The following HIPK2 variants were observed in gnomAD, a reference collection of about 807,000 sequenced individuals.
The protein encoded by HIPK2 is homeodomain-interacting protein kinase 2.
HIPK2 carries 27 observed loss-of-function variants against 113.7 expected under a neutral mutation model. The observed-to-expected ratio is 0.24, with a 90% CI of 0.17 to 0.33. The LOEUF (loss-of-function observed/expected upper bound fraction) is 0.33, where lower values mean the gene tolerates loss of function less well. Among genes scored for constraint, HIPK2 ranks in the 10% least tolerant of loss-of-function variants. The pLI is 1.00. For synonymous variants in HIPK2, 631 were observed against 642.2 expected (o/e 0.98, Z 0.26); for missense variants, 1,257 against 1,588.0 (o/e 0.79, Z 3.54).
intron 1 of HIPK2, among the ~76,000 whole-genome samples, chr7:139,766,527 G>A (rs1796555732): frequency 1.3e-5 from 2 of 152,068 alleles, no homozygotes; most frequent in South Asian, 2.1e-4. Context: ...TAGCACCTTC[G>A]GTCTCCAGCT....
chr7:139,651,623 G>A (rs912502538), intron 2 of HIPK2, among the ~76,000 whole-genome samples: 5 of 152,162 alleles, frequency 3.3e-5, no homozygotes, highest in Non-Finnish European at 5.9e-5. Context: ...CGAGCTGGAG[G>A]GGGACAAATG....
chr7:139,663,416 G>GAAAAAA (rs113806576), intron 2 of HIPK2, among the ~76,000 whole-genome samples: 13,858 of 152,216 alleles, frequency 0.091, 762 homozygotes, highest in African/African-American at 0.15. Context: ...CTCTGCCACT[G>GAAAAAA]ATGAGCTGGA....
chr7:139,735,606 G>A (rs1795913674), intron 1 of HIPK2, among the ~76,000 whole-genome samples: 1 of 152,236 alleles, frequency 6.6e-6, no homozygotes, highest in East Asian at 1.9e-4. Flanking sequence ...AGGTCAACAG[G>A]ACGAGATGGG....
chr7:139,563,298 G>C lies in HIPK2; in HGVS notation c.*9629C>G, dbSNP rs1301373349. On this transcript the variant is annotated 3_prime_UTR_variant, in exon 15 of 15. Transcript: ENST00000406875. ...CAGCCCAGCAGGCGACTCTGACAGG[G>C]AGGTGTGACCACCAGTCTCAAGGCT... 1.3e-5 allele frequency: 2 copies of C among 152,830 alleles called. No homozygotes were observed. The highest frequency in any genetic ancestry group is 4.8e-5 in the African/African-American group (2 of 41,436). The allele number at this position is 152,830 out of a possible 1,614,324, so 9.5% of individuals were successfully genotyped here.
chr7:139,678,295 A>T (rs113066704), intron 2 of HIPK2, among the ~76,000 whole-genome samples: 1 of 152,194 alleles, frequency 6.6e-6, no homozygotes, highest in African/African-American at 2.4e-5. Flanking sequence ...AGTCTTTGCC[A>T]TGCCTATGTC....
chr7:139,743,829 A>G (rs977421818), intron 1 of HIPK2, among the ~76,000 whole-genome samples: 2 of 152,228 alleles, frequency 1.3e-5, no homozygotes, highest in African/African-American at 4.8e-5. Context: ...AAAAGACTAC[A>G]GGGTTCTGCG....
intron 13 of HIPK2, 58 bp downstream of exon 13, chr7:139,583,759 A>C: frequency 6.4e-7 from 1 of 1,572,288 alleles, no homozygotes; most frequent in African/African-American, 1.4e-5. Flanking sequence ...TAGCAGCAGA[A>C]AAGCAGGAAA....
At chr7:139,700,920 G>A (rs1218509940) in intron 2 of HIPK2, among the ~76,000 whole-genome samples, 1 of 152,234 alleles carries the variant, frequency 6.6e-6, no homozygotes, top group Non-Finnish European at 1.5e-5. Context: ...CAAGCACTGA[G>A]AAGAAAGAAA....
At chr7:139,626,423 T>C (rs1800432376) in intron 6 of HIPK2, among the ~76,000 whole-genome samples, 178 bp downstream of exon 6, 1 of 152,156 alleles carries the variant, frequency 6.6e-6, no homozygotes, top group Non-Finnish European at 1.5e-5. Flanking sequence ...TCATAAATGT[T>C]TCATTAGAAT....
chr7:139,679,097 T>C (rs1487371038), intron 2 of HIPK2, among the ~76,000 whole-genome samples: 1 of 152,234 alleles, frequency 6.6e-6, no homozygotes, highest in Admixed American at 6.5e-5. Context: ...CACAATCATG[T>C]CATCTGCAAA....
chr7:139,588,274 C>T (rs543778528), intron 12 of HIPK2, among the ~76,000 whole-genome samples: 1 of 151,716 alleles, frequency 6.6e-6, no homozygotes, highest in South Asian at 2.1e-4. Flanking sequence ...GCAGAGATCA[C>T]ACCACCACAC....
intron 13 of HIPK2, among the ~76,000 whole-genome samples, chr7:139,578,718 T>G (rs530355023): frequency 5.9e-5 from 9 of 152,232 alleles, no homozygotes; most frequent in Non-Finnish European, 1.2e-4. Flanking sequence ...TCGCTCAGGT[T>G]GGAGTGCAGT....
At chr7:139,692,702 T>C (rs762959756) in intron 2 of HIPK2, among the ~76,000 whole-genome samples, 3 of 152,116 alleles carry the variant, frequency 2.0e-5, no homozygotes, top group Non-Finnish European at 4.4e-5. Flanking sequence ...CACAATAGCA[T>C]CTATATGCAT....
intron 2 of HIPK2, among the ~76,000 whole-genome samples, chr7:139,696,623 G>C (rs1488204199): frequency 6.6e-6 from 1 of 151,598 alleles, no homozygotes; most frequent in African/African-American, 2.4e-5. Context: ...AGTCTTTTCT[G>C]ATTAGGGAAG....
intron 2 of HIPK2, among the ~76,000 whole-genome samples, chr7:139,694,883 A>C (rs1203288704): frequency 1.3e-5 from 2 of 152,214 alleles, no homozygotes; most frequent in Non-Finnish European, 2.9e-5. Context: ...CAGACATTAC[A>C]ACAGAAAAGG....
chr7:139,704,075 A>C (rs1794805800), intron 2 of HIPK2, among the ~76,000 whole-genome samples: 1 of 75,688 alleles, frequency 1.3e-5, no homozygotes, highest in Non-Finnish European at 2.5e-5. Context: ...CAACACATGC[A>C]CCCCCTCCAC....
chr7:139,707,287 G>A (rs759226845), intron 2 of HIPK2, among the ~76,000 whole-genome samples: 2 of 152,266 alleles, frequency 1.3e-5, no homozygotes, highest in East Asian at 1.9e-4. Context: ...AATCTGTCCC[G>A]GAACAAGGGC....
At position 139,683,180 on chromosome 7, in the gene HIPK2, G is replaced by A. The variant is rs1003593713; in HGVS notation, c.1103+32752C>T. Among the ~76,000 whole-genome samples the A allele has an allele frequency of 3.3e-5, 5 of 152,204 alleles. No individual in the cohort carries two copies. The highest frequency in any genetic ancestry group is 6.5e-5 in the Admixed American group (1 of 15,284). On this transcript the variant is annotated intron_variant, in intron 2 of 14. Coordinates refer to ENST00000406875, the MANE Select transcript of HIPK2 (RefSeq NM_022740.5). The surrounding 1 kb of genome is among the most constrained non-coding windows in gnomAD (Gnocchi z 4.2). ...CTGGCTCTCACCTCGGAGCCTGGAC[G>A]TGACCTGCTTCATGCTTAACTATAT...
chr7:139,717,612 A>G (rs1795286755), intron 1 of HIPK2, among the ~76,000 whole-genome samples: 1 of 152,152 alleles, frequency 6.6e-6, no homozygotes, highest in African/African-American at 2.4e-5. Context: ...ACAGCATAAA[A>G]CATTTTATCA....
Sources: gnomAD v4.1 joint callset for allele counts (sites outside exome capture counted in the v4.1 genomes callset) on GRCh38, gnomAD v4.1.1 for gene constraint, Gnocchi (gnomAD v3.1) non-coding constraint, MANE v1.5 for transcripts, NCBI Gene and HGNC (gene_info 2026-07-23, HGNC 2026-07-21) for gene names.